Variants in RTCA observed in about 807,000 individuals in gnomAD.
RTCA encodes RNA terminal phosphate cyclase domain 1.
Under a neutral mutation model 46.1 loss-of-function variants are expected in RTCA, and 37 were observed. The observed-to-expected ratio is 0.80, with a 90% CI of 0.62 to 1.06. The LOEUF is 1.06. Among genes scored for constraint, RTCA ranks in the 50% least tolerant of loss-of-function variants. RTCA has a pLI of 0.00. For synonymous variants in RTCA, 164 were observed against 158.3 expected (o/e 1.04, Z -0.27); for missense variants, 435 against 455.5 (o/e 0.95, Z 0.41).
intron 8 of RTCA, among the ~76,000 whole-genome samples, chr1:100,280,610 A>C (rs1166575647): frequency 1.3e-5 from 2 of 152,212 alleles, no homozygotes; most frequent in Non-Finnish European, 1.5e-5. Context: ...TGGTCTTCTC[A>C]ATCCAGCTTG....
At chr1:100,286,553 G>T (rs183360175) in intron 9 of RTCA, among the ~76,000 whole-genome samples, 152 of 150,940 alleles carry the variant, frequency 1.0e-3, no homozygotes, top group Non-Finnish European at 1.7e-3. Flanking sequence ...TGTTTTTATG[G>T]TCTGTTATCT....
At chr1:100,289,373 G>A (rs1394201159) in intron 10 of RTCA, among the ~76,000 whole-genome samples, 1 of 151,914 alleles carries the variant, frequency 6.6e-6, no homozygotes, top group Non-Finnish European at 1.5e-5. Flanking sequence ...GAACTCCTGG[G>A]CTCAAGTGAT....
chr1:100,288,079 C>T (rs57338365), intron 10 of RTCA, among the ~76,000 whole-genome samples: 5,262 of 152,166 alleles, frequency 0.035, 312 homozygotes, highest in African/African-American at 0.12. Flanking sequence ...TAGGTGTGAG[C>T]CACTGTGCCT....
chr1:100,275,103 G>A lies in RTCA; in HGVS notation c.615+138G>A, dbSNP rs1666302481. On this transcript the variant is annotated intron_variant, in intron 6 of 10. Coordinates refer to ENST00000370128, the MANE Select transcript of RTCA (RefSeq NM_003729.4). ...TAATGTCCTTTGTGGCAATATGGCT[G>A]CAGCTGGAGGCCATTATCCTAAGCA... 5 of 843,912 alleles carry A rather than the reference G, an allele frequency of 5.9e-6. No individual in the cohort carries two copies. The East Asian group carries it at 8.2e-5, about 14-fold the overall frequency. The allele number at this position is 843,912 out of a possible 1,614,324, so 52.3% of individuals were successfully genotyped here. A position where few individuals can be genotyped will look rare whatever the true frequency, so the allele number is the denominator to read the frequency against.
chr1:100,270,730 G>A (rs748845324), intron 4 of RTCA, 50 bp downstream of exon 4: 4 of 1,593,446 alleles, frequency 2.5e-6, no homozygotes, highest in Non-Finnish European at 3.4e-6. Context: ...ACATGCTTCT[G>A]AGTCTCCATT....
chr1:100,278,142 A>C (rs1446026721), intron 8 of RTCA, among the ~76,000 whole-genome samples: 1 of 152,198 alleles, frequency 6.6e-6, no homozygotes, highest in Non-Finnish European at 1.5e-5. Flanking sequence ...CTGCCATGAA[A>C]GTTCCTTTTA....
chr1:100,278,645 C>G (rs963958024), intron 8 of RTCA, among the ~76,000 whole-genome samples: 1 of 152,136 alleles, frequency 6.6e-6, no homozygotes, highest in Admixed American at 6.6e-5. Flanking sequence ...CCTAGCTATG[C>G]TGTTAAGCCA....
intron 3 of RTCA, among the ~76,000 whole-genome samples, chr1:100,268,891 AT>A (rs1665926365): frequency 6.6e-6 from 1 of 152,070 alleles, no homozygotes; most frequent in African/African-American, 2.4e-5. Context: ...ATAATGGCTC[AT>A]TTAGAAAACA....
Position 100,270,594 on chromosome 1 carries a change from G to A in RTCA, c.328G>A (p.Val110Ile). The change falls in exon 4 of 11, where the codon GTT becomes ATT. Residue 110 changes from valine to isoleucine, a missense_variant. Physicochemically the swap from Val to Ile is conservative, Grantham distance 29. Transcript: ENST00000370128. ...CLLMQVSMPC[V>I]LFAASPSELH... is the part of the protein sequence containing the mutation. Reference sequence around the variant, plus strand: ...CTTGATGCAGGTCTCAATGCCGTGTGTTCTCTTTGCTGCTTCTCCATCAGA... The same window carrying A: ...CTTGATGCAGGTCTCAATGCCGTGTATTCTCTTTGCTGCTTCTCCATCAGA... 6.2e-7 allele frequency: 1 copy of A among 1,614,126 alleles called. No homozygotes were observed. Among genetic ancestry groups the A allele is most frequent in the Non-Finnish European group, 8.5e-7 (1 of 1,179,996 alleles).
chr1:100,289,918 G>C (rs1197480117), intron 10 of RTCA, among the ~76,000 whole-genome samples: 2 of 152,188 alleles, frequency 1.3e-5, no homozygotes, highest in Non-Finnish European at 2.9e-5. Context: ...GTAGTTTTAA[G>C]TAGGTTTATG....
intron 3 of RTCA, 96 bp downstream of exon 3, chr1:100,268,391 C>A: frequency 9.6e-7 from 1 of 1,038,308 alleles, no homozygotes; most frequent in Non-Finnish European, 1.4e-6. Context: ...GAGCTTGTTT[C>A]CCTACTTTTA....
chr1:100,277,120 T>C (rs1666436164), intron 7 of RTCA, 138 bp from the exon 8 acceptor site: 2 of 723,764 alleles, frequency 2.8e-6, no homozygotes, highest in Non-Finnish European at 2.4e-6. Context: ...TACCACTCTA[T>C]ATGAAGAATT....
chr1:100,283,922 T>TAAAA (rs562483681), intron 8 of RTCA, among the ~76,000 whole-genome samples: 5 of 11,378 alleles, frequency 4.4e-4, no homozygotes, highest in Admixed American at 2.4e-3. Flanking sequence ...ACCTAGTCGC[T>TAAAA]AAAAAAAAAA....
At chr1:100,287,277 G>T in intron 10 of RTCA, 74 bp downstream of exon 10, 1 of 1,054,484 alleles carries the variant, frequency 9.5e-7, no homozygotes, top group Non-Finnish European at 1.4e-6. Flanking sequence ...AATTTTAATA[G>T]GAAACTTAAT....
At chr1:100,278,559 A>G (rs2100802347) in intron 8 of RTCA, among the ~76,000 whole-genome samples, 1 of 152,278 alleles carries the variant, frequency 6.6e-6, no homozygotes, top group South Asian at 2.1e-4. Context: ...TACTGAGACC[A>G]GAAGTTCAAG....
chr1:100,275,829 G>A, intron 7 of RTCA, 106 bp downstream of exon 7: 1 of 985,390 alleles, frequency 1.0e-6, no homozygotes, highest in Non-Finnish European at 1.4e-6. Context: ...GTTTTAAGAA[G>A]TATTTATTTA....
At chr1:100,289,407 G>A (rs1667232905) in intron 10 of RTCA, among the ~76,000 whole-genome samples, 1 of 151,950 alleles carries the variant, frequency 6.6e-6, no homozygotes, top group African/African-American at 2.4e-5. Flanking sequence ...CTTCCCAAAT[G>A]CCGTGATTAC....
intron 8 of RTCA, among the ~76,000 whole-genome samples, chr1:100,283,633 A>G (rs4325147): frequency 0.99 from 150,916 of 152,256 alleles, 74,811 homozygotes; most frequent in Middle Eastern, 1. Flanking sequence ...TTGCAGCATA[A>G]TTATTATCAT....
intron 10 of RTCA, among the ~76,000 whole-genome samples, chr1:100,289,311 T>A (rs1403190695): frequency 6.6e-6 from 1 of 151,458 alleles, no homozygotes; most frequent in Non-Finnish European, 1.5e-5. Context: ...TTTTTGTTTT[T>A]GTTTTTGTTT....
Sources: gnomAD v4.1 joint callset for allele counts (sites outside exome capture counted in the v4.1 genomes callset) on GRCh38, gnomAD v4.1.1 for gene constraint, MANE v1.5 for transcripts, NCBI Gene and HGNC (gene_info 2026-07-23, HGNC 2026-07-21) for gene names.